ZNF385B: variants seen among roughly 807,000 people sequenced by gnomAD.
The protein encoded by ZNF385B is zinc finger protein 385B.
ZNF385B carries 23 observed loss-of-function variants against 39.2 expected under a neutral mutation model. That is an observed-to-expected ratio of 0.59 (90% CI 0.42 to 0.83). ZNF385B has a LOEUF of 0.83. Ranked by LOEUF, ZNF385B falls within the 40% of genes least tolerant of loss-of-function variation. The pLI is 0.00. For synonymous variants in ZNF385B, 205 were observed against 222.6 expected (o/e 0.92, Z 0.70); for missense variants, 552 against 598.9 (o/e 0.92, Z 0.82).
chr2:179,803,346 T>C (rs13398994), intron 1 of ZNF385B, among the ~76,000 whole-genome samples: 49,166 of 152,020 alleles, frequency 0.32, 8,310 homozygotes, highest in African/African-American at 0.39. Context: ...AAGTAATCAG[T>C]GTGGTATTAA....
intron 1 of ZNF385B, among the ~76,000 whole-genome samples, chr2:179,838,440 A>G (rs1708366512): frequency 6.6e-6 from 1 of 152,210 alleles, no homozygotes; most frequent in Non-Finnish European, 1.5e-5. Context: ...CTTCATACAC[A>G]TGGAGCGCCT....
At chr2:179,606,428 C>T (rs1356062) in intron 3 of ZNF385B, among the ~76,000 whole-genome samples, 37,553 of 152,070 alleles carry the variant, frequency 0.25, 5,745 homozygotes, top group Non-Finnish European at 0.33. Flanking sequence ...TTTGGCAGTA[C>T]AGTATTGCCT....
chr2:179,483,476 CA>C (rs1267895248), intron 5 of ZNF385B, 42 bp from the exon 6 acceptor site: 1 of 1,611,528 alleles, frequency 6.2e-7, no homozygotes, highest in Non-Finnish European at 8.5e-7. Context: ...TTGCTAATTA[CA>C]AACACCACAG....
At chr2:179,831,542 G>A (rs917174642) in intron 1 of ZNF385B, among the ~76,000 whole-genome samples, 3 of 149,470 alleles carry the variant, frequency 2.0e-5, no homozygotes, top group Non-Finnish European at 4.5e-5. Flanking sequence ...AAGATTTTTT[G>A]TTTTTAAAAA....
intron 3 of ZNF385B, among the ~76,000 whole-genome samples, chr2:179,564,701 T>C (rs899698067): frequency 1.3e-5 from 2 of 152,202 alleles, no homozygotes; most frequent in African/African-American, 4.8e-5. Context: ...CAGTCCTCCT[T>C]GACCTCTCTA....
At chr2:179,530,174 T>C (rs962494825) in intron 4 of ZNF385B, among the ~76,000 whole-genome samples, 1 of 152,172 alleles carries the variant, frequency 6.6e-6, no homozygotes, top group Non-Finnish European at 1.5e-5. Flanking sequence ...TCTTTTTAAA[T>C]AGTGACTTGA....
At chr2:179,638,177 T>G (rs1691932471) in intron 3 of ZNF385B, among the ~76,000 whole-genome samples, 1 of 152,222 alleles carries the variant, frequency 6.6e-6, no homozygotes, top group African/African-American at 2.4e-5. Context: ...TACTATATTG[T>G]GCACTTAAAA....
At chr2:179,552,684 C>A (rs2060653968) in intron 3 of ZNF385B, among the ~76,000 whole-genome samples, 1 of 148,990 alleles carries the variant, frequency 6.7e-6, no homozygotes, top group East Asian at 1.9e-4. Flanking sequence ...TTTCATAAAT[C>A]TGCTAGGTGA....
chr2:179,744,241 T>C (rs1702244716), intron 3 of ZNF385B, among the ~76,000 whole-genome samples: 1 of 151,908 alleles, frequency 6.6e-6, no homozygotes. Context: ...TGACAATGCA[T>C]CTAGAGCACA....
At chr2:179,521,057 G>A (rs1440839089) in intron 4 of ZNF385B, among the ~76,000 whole-genome samples, 2 of 149,122 alleles carry the variant, frequency 1.3e-5, no homozygotes, top group Admixed American at 1.4e-4. Context: ...GTTCTTAGTA[G>A]ACTATTGTAT....
At chr2:179,562,961 T>C (rs1357909743) in intron 3 of ZNF385B, among the ~76,000 whole-genome samples, 1 of 152,130 alleles carries the variant, frequency 6.6e-6, no homozygotes, top group African/African-American at 2.4e-5. Flanking sequence ...TTATATTCTG[T>C]TAGACTAGAA....
chr2:179,511,935 A>T (rs570543893), intron 5 of ZNF385B, among the ~76,000 whole-genome samples: 1 of 152,310 alleles, frequency 6.6e-6, no homozygotes, highest in African/African-American at 2.4e-5. Flanking sequence ...AATAAAATAT[A>T]AACTCTAAGT....
chr2:179,828,303 G>A (rs1160133042), intron 1 of ZNF385B, among the ~76,000 whole-genome samples: 2 of 152,088 alleles, frequency 1.3e-5, no homozygotes, highest in African/African-American at 4.8e-5. Context: ...TATATAATAG[G>A]ATAAGAGGTA....
chr2:179,809,076 T>C (rs998271552), intron 1 of ZNF385B, among the ~76,000 whole-genome samples: 2 of 152,246 alleles, frequency 1.3e-5, no homozygotes, highest in Non-Finnish European at 1.5e-5. Context: ...GCTGTCAAGC[T>C]ATGATTACTG....
At chr2:179,619,486 G>A (rs913923812) in intron 3 of ZNF385B, among the ~76,000 whole-genome samples, 1 of 152,148 alleles carries the variant, frequency 6.6e-6, no homozygotes, top group Non-Finnish European at 1.5e-5. Context: ...CCCCCATCCA[G>A]CCAAAAACTT....
rs181966929 is a variant in ZNF385B at position 179,475,529 on chromosome 2, C to T, written c.715+7743G>A. On this transcript the variant is annotated intron_variant, in intron 6 of 9. Transcript: ENST00000410066. ...CCTTCCAAAGTGCTGGGATTACAGGCGTGAGCCACCATGCCTGGCCCACAC... is the reference window on the plus strand; with the variant it reads ...CCTTCCAAAGTGCTGGGATTACAGGTGTGAGCCACCATGCCTGGCCCACAC... Among the ~76,000 whole-genome samples, 35 of 151,698 alleles carry T rather than the reference C, an allele frequency of 2.3e-4. 1 individual carries two copies. The highest frequency in any genetic ancestry group is 1.5e-3 in the Admixed American group (23 of 15,250).
At chr2:179,603,530 G>C (rs77545286) in intron 3 of ZNF385B, among the ~76,000 whole-genome samples, 4,820 of 152,172 alleles carry the variant, frequency 0.032, 100 homozygotes, top group Non-Finnish European at 0.048. Flanking sequence ...CAACAATTTT[G>C]TTTTATAGCT....
At chr2:179,853,778 C>G (rs957719863) in intron 1 of ZNF385B, among the ~76,000 whole-genome samples, 1 of 152,072 alleles carries the variant, frequency 6.6e-6, no homozygotes, top group African/African-American at 2.4e-5. Flanking sequence ...TGATGACAAC[C>G]CCATGGAAGA....
At chr2:179,783,826 T>C (rs1475640710) in intron 1 of ZNF385B, among the ~76,000 whole-genome samples, 3 of 152,100 alleles carry the variant, frequency 2.0e-5, no homozygotes, top group Non-Finnish European at 4.4e-5. Flanking sequence ...AAATAACAGA[T>C]GCTGATGAGG....
Sources: allele counts gnomAD v4.1 joint callset (sites outside exome capture counted in the v4.1 genomes callset), GRCh38; gene constraint gnomAD v4.1.1; transcripts MANE v1.5; gene names NCBI Gene and HGNC (gene_info 2026-07-23, HGNC 2026-07-21).